The following MACROD2 variants were observed in gnomAD, a reference collection of about 807,000 sequenced individuals.
The protein encoded by MACROD2 is ADP-ribose glycohydrolase MACROD2.
A neutral mutation model predicts 70.4 loss-of-function variants in MACROD2; 36 were observed. That is an observed-to-expected ratio of 0.51 (90% confidence interval 0.39 to 0.68). The LOEUF is 0.68. MACROD2 is among the 30% of genes least tolerant of loss of function. MACROD2 has a pLI of 0.00. For synonymous variants in MACROD2, 172 were observed against 178.8 expected (o/e 0.96, Z 0.30); for missense variants, 496 against 538.4 (o/e 0.92, Z 0.78).
At position 15,431,524 on chromosome 20, in the gene MACROD2, T is replaced by C. The variant is rs970977578; in HGVS notation, c.571+89T>C. 4.1e-6 allele frequency: 5 copies of C among 1,228,416 alleles called. No individual in the cohort carries two copies. In the South Asian group the frequency reaches 6.2e-5, roughly 15 times the overall value. The allele number at this position is 1,228,416 out of a possible 1,614,324, so 76.1% of individuals were successfully genotyped here. On this transcript the variant is annotated intron_variant, in intron 7 of 17. Coordinates refer to ENST00000684519, the MANE Select transcript of MACROD2 (RefSeq NM_001351661.2). ...AGTGAAAAAATAAGAGGTTCTCTGA[T>C]GAATATATTTTGCTGTGATTTAGAG...
chr20:15,431,185 A>G (rs939840612), intron 6 of MACROD2, among the ~76,000 whole-genome samples: 4 of 152,048 alleles, frequency 2.6e-5, no homozygotes, highest in African/African-American at 9.7e-5. Context: ...GATTCCTGAA[A>G]ACTTAGCAGT....
intron 7 of MACROD2, among the ~76,000 whole-genome samples, chr20:15,452,796 G>A (rs190774148): frequency 1.4e-3 from 210 of 152,224 alleles, no homozygotes; most frequent in Non-Finnish European, 2.0e-3. Flanking sequence ...TAACTGAATA[G>A]CATCAGTTTC....
At chr20:15,936,722 A>G (rs887131780) in intron 11 of MACROD2, among the ~76,000 whole-genome samples, 3 of 147,932 alleles carry the variant, frequency 2.0e-5, no homozygotes, top group Admixed American at 7.0e-5. Context: ...AAACATTGCA[A>G]ATGATTTTAG....
chr20:15,040,561 G>A lies in MACROD2; in HGVS notation c.419-189379G>A, dbSNP rs772115406. 5.0e-4 allele frequency among the ~76,000 whole-genome samples: 75 copies of A among 150,430 alleles called. 1 individual carries two copies. The highest frequency in any genetic ancestry group is 3.4e-3 in the Middle Eastern group (1 of 292). On this transcript the variant is annotated intron_variant, in intron 5 of 17. Coordinates refer to ENST00000684519, the MANE Select transcript of MACROD2 (RefSeq NM_001351661.2). ...ACCAATTAGGACAAAGGTGAGGAGT[G>A]TCTTCAGGGGGGTCTTTATCTCATG...
intron 7 of MACROD2, among the ~76,000 whole-genome samples, chr20:15,484,214 T>G (rs78333714): frequency 0.026 from 3,920 of 152,236 alleles, 163 homozygotes; most frequent in African/African-American, 0.089. Flanking sequence ...TGCTTTTTTC[T>G]TTTAGTAAGT....
chr20:15,685,220 A>C (rs974501883), intron 8 of MACROD2, among the ~76,000 whole-genome samples: 1 of 152,180 alleles, frequency 6.6e-6, no homozygotes, highest in African/African-American at 2.4e-5. Flanking sequence ...TGTACCATGA[A>C]AGTTAAGAAA....
chr20:14,259,145 G>A (rs965229014), intron 3 of MACROD2, among the ~76,000 whole-genome samples: 1 of 152,128 alleles, frequency 6.6e-6, no homozygotes, highest in Non-Finnish European at 1.5e-5. Flanking sequence ...GTTTCACCAT[G>A]TTGGCCAGGC....
intron 3 of MACROD2, among the ~76,000 whole-genome samples, chr20:14,293,580 AGTGGTAAG>A (rs2082403217): frequency 6.6e-6 from 1 of 151,758 alleles, no homozygotes; most frequent in East Asian, 1.9e-4. Flanking sequence ...CGGGCTGGGG[AGTGGTAAG>A]GTGTGAGTTC....
In MACROD2 at chr20:14,011,333, G is replaced by A. The variant is rs180913347; in HGVS notation, c.163+8929G>A. Among the ~76,000 whole-genome samples, 7 of 152,236 alleles carry A rather than the reference G, an allele frequency of 4.6e-5. No individual in the cohort carries two copies. The East Asian group carries it at 1.4e-3, about 29-fold the overall frequency. ...TTCCTTCAAGGTTTGGAGGTTAGCAGCCTTATAAATGAGGGCAACTTTGAT... is the reference window on the plus strand; with the variant it reads ...TTCCTTCAAGGTTTGGAGGTTAGCAACCTTATAAATGAGGGCAACTTTGAT... On this transcript the variant is annotated intron_variant, in intron 2 of 17. Coordinates refer to ENST00000684519, the MANE Select transcript of MACROD2 (RefSeq NM_001351661.2).
intron 8 of MACROD2, among the ~76,000 whole-genome samples, chr20:15,687,283 A>G (rs1048194550): frequency 1.6e-4 from 21 of 134,880 alleles, no homozygotes; most frequent in African/African-American, 6.9e-4. Context: ...ATTACATGAA[A>G]TTGTATATAT....
At chr20:15,641,194 T>C (rs1326087566) in intron 8 of MACROD2, among the ~76,000 whole-genome samples, 1 of 152,228 alleles carries the variant, frequency 6.6e-6, no homozygotes, top group African/African-American at 2.4e-5. Flanking sequence ...TTGATCACCA[T>C]GCCTCCTCTT....
chr20:15,882,714 G>A (rs1026467162), intron 9 of MACROD2, among the ~76,000 whole-genome samples: 5 of 152,028 alleles, frequency 3.3e-5, no homozygotes, highest in South Asian at 2.1e-4. Context: ...GAAGTAAACC[G>A]AACCAGTCTG....
At chr20:14,366,211 C>T (rs1217360412) in intron 3 of MACROD2, among the ~76,000 whole-genome samples, 8 of 152,062 alleles carry the variant, frequency 5.3e-5, no homozygotes, top group East Asian at 1.9e-4. Context: ...ATGTCTTCCA[C>T]GATTATTGTA....
chr20:14,737,045 G>C (rs961461066), intron 5 of MACROD2, among the ~76,000 whole-genome samples: 1 of 151,898 alleles, frequency 6.6e-6, no homozygotes, highest in African/African-American at 2.4e-5. Flanking sequence ...ATGGTGGTTT[G>C]CTGCACCCAT....
intron 5 of MACROD2, among the ~76,000 whole-genome samples, chr20:15,184,429 A>G (rs549227359): frequency 6.8e-4 from 103 of 152,206 alleles, no homozygotes; most frequent in Non-Finnish European, 1.2e-3. Flanking sequence ...AAACAACCCC[A>G]GCATCTCAGT....
At position 14,757,957 on chromosome 20, in the gene MACROD2, C is replaced by T. The variant is rs2071963934; in HGVS notation, c.418+72998C>T. 3.2e-6 allele frequency: 3 copies of T among 938,076 alleles called. No individual in the cohort carries two copies. In the African/African-American group the frequency reaches 4.9e-5, roughly 15 times the overall value. 58.1% of individuals were successfully genotyped at this position (938,076 alleles called of 1,614,324 possible). ...ATACCTACAGACGGAGTGCTGTGCC[C>T]CCTGGTGCCGACAAGAAAGCCGAGG... On this transcript the variant is annotated intron_variant, in intron 5 of 17. Transcript: ENST00000684519.
intron 4 of MACROD2, among the ~76,000 whole-genome samples, chr20:14,634,074 C>T (rs1004462656): frequency 6.6e-6 from 1 of 152,178 alleles, no homozygotes. Flanking sequence ...CTCTTCACAG[C>T]CCCCTGGGCG....
At chr20:15,254,441 G>T (rs969159007) in intron 6 of MACROD2, among the ~76,000 whole-genome samples, 5 of 152,044 alleles carry the variant, frequency 3.3e-5, no homozygotes, top group African/African-American at 1.2e-4. Context: ...GAAAGAGCAG[G>T]ACTGTAGCTT....
In MACROD2 at chr20:15,077,351, C is replaced by T. The variant is rs534416943; in HGVS notation, c.419-152589C>T. 4.4e-4 allele frequency among the ~76,000 whole-genome samples: 67 copies of T among 151,860 alleles called. 1 individual carries two copies. The highest frequency in any genetic ancestry group is 3.4e-3 in the Middle Eastern group (1 of 294). Reference sequence around the variant, plus strand: ...TATGTTTCAAGTTCATGACATTAGGCGACAAAAATCAGTATATCCAAGTAT... The same window carrying T: ...TATGTTTCAAGTTCATGACATTAGGTGACAAAAATCAGTATATCCAAGTAT... On this transcript the variant is annotated intron_variant, in intron 5 of 17. Transcript: ENST00000684519.
Sources: allele counts gnomAD v4.1 joint callset (sites outside exome capture counted in the v4.1 genomes callset), GRCh38; gene constraint gnomAD v4.1.1; transcripts MANE v1.5; gene names NCBI Gene and HGNC (gene_info 2026-07-23, HGNC 2026-07-21).